The following FBXL13 variants were observed in gnomAD, a reference collection of about 807,000 sequenced individuals.
FBXL13 encodes F-box and leucine-rich repeat protein 13.
A neutral mutation model predicts 83.6 loss-of-function variants in FBXL13; 67 were observed. That is an observed-to-expected ratio of 0.80 (90% CI 0.66 to 0.98). The LOEUF (loss-of-function observed/expected upper bound fraction) is 0.98. Among genes scored for constraint, FBXL13 ranks in the 50% least tolerant of loss-of-function variants. The probability of loss-of-function intolerance (pLI) is 0.00; values close to 1 mark genes in which losing one functional copy is unlikely to be tolerated. For synonymous variants in FBXL13, 272 were observed against 299.5 expected (o/e 0.91, Z 0.95); for missense variants, 822 against 866.5 (o/e 0.95, Z 0.64).
chr7:102,926,149 G>C (rs951710200), intron 10 of FBXL13, 125 bp downstream of exon 11: 1 of 732,146 alleles, frequency 1.4e-6, no homozygotes, highest in Non-Finnish European at 2.2e-6. Flanking sequence ...CCCCTTATCA[G>C]AAAAGCAGTG....
chr7:102,840,827 A>G (rs1392908005), intron 17 of FBXL13, among the ~76,000 whole-genome samples: 1 of 152,196 alleles, frequency 6.6e-6, no homozygotes, highest in Non-Finnish European at 1.5e-5. Flanking sequence ...GAAAGAAAAT[A>G]ACTGTCTACC....
At chr7:103,002,136 T>C (rs1790465648) in intron 6 of FBXL13, among the ~76,000 whole-genome samples, 1 of 152,184 alleles carries the variant, frequency 6.6e-6, no homozygotes, top group Non-Finnish European at 1.5e-5. Flanking sequence ...CTGGTGGTAA[T>C]GTTTGAATTC....
At chr7:103,033,967 C>G (rs539319396) in intron 2 of FBXL13, among the ~76,000 whole-genome samples, 3 of 151,852 alleles carry the variant, frequency 2.0e-5, no homozygotes, top group South Asian at 4.2e-4. Context: ...TACAGAGTGT[C>G]GACACAAAGG....
chr7:102,823,075 ACC>A (rs1182925172), intron 18 of FBXL13, among the ~76,000 whole-genome samples: 3 of 151,578 alleles, frequency 2.0e-5, no homozygotes, highest in Non-Finnish European at 4.4e-5. Flanking sequence ...TGCCCTGCCC[ACC>A]CCCCACACAA....
In FBXL13 at chr7:102,822,159, GT is replaced by G. The variant is rs1454476982; in HGVS notation, c.1898del (p.Tyr633SerfsTer23). 1.1e-5 allele frequency: 17 copies of G among 1,614,022 alleles called. No individual in the cohort carries two copies. The highest frequency in any genetic ancestry group is 1.4e-5 in the Non-Finnish European group (16 of 1,179,978). ...AACCAGAGATATCCAAAATGTGCAG[GT>G]AATGGCATTTTGCCGATAACATCTC... On this transcript the variant is annotated frameshift_variant, in exon 19 of 20. Transcript: ENST00000313221. LOFTEE classifies it high-confidence loss of function.
chr7:102,893,228 A>G (rs1427532511), intron 11 of FBXL13, among the ~76,000 whole-genome samples: 2 of 152,226 alleles, frequency 1.3e-5, no homozygotes, highest in Non-Finnish European at 2.9e-5. Flanking sequence ...CAGCAACCTG[A>G]AATTTGGCCT....
chr7:103,051,629 C>G (rs1432069592), intron 2 of FBXL13, among the ~76,000 whole-genome samples: 1 of 152,120 alleles, frequency 6.6e-6, no homozygotes, highest in Non-Finnish European at 1.5e-5. Flanking sequence ...AAAACTTTAG[C>G]CGAATTAAAT....
intron 1 of FBXL13, among the ~76,000 whole-genome samples, chr7:103,060,674 T>C (rs1273047288): frequency 6.6e-6 from 1 of 152,234 alleles, no homozygotes; most frequent in African/African-American, 2.4e-5. Context: ...AAGTCTTGCT[T>C]AGCTTTTTAG....
intron 16 of FBXL13, among the ~76,000 whole-genome samples, chr7:102,868,334 G>A (rs1293314312): frequency 6.6e-6 from 1 of 152,022 alleles, no homozygotes; most frequent in Non-Finnish European, 1.5e-5. Flanking sequence ...CCCAGCCTCT[G>A]GTAGCCATTA....
At chr7:102,840,642 G>A (rs561339880) in intron 17 of FBXL13, among the ~76,000 whole-genome samples, 9 of 152,164 alleles carry the variant, frequency 5.9e-5, no homozygotes, top group Admixed American at 1.3e-4. Context: ...AAGAGTTCAC[G>A]AACTATTATC....
intron 6 of FBXL13, 106 bp from the exon 8 acceptor site, chr7:102,968,223 A>G (rs1826205620): frequency 1.2e-5 from 8 of 658,092 alleles, no homozygotes; most frequent in Non-Finnish European, 1.6e-5. Context: ...GCACACACAC[A>G]CGCATTAGTA....
chr7:102,858,869 G>A (rs951088371), intron 16 of FBXL13, among the ~76,000 whole-genome samples: 3 of 152,124 alleles, frequency 2.0e-5, no homozygotes, highest in Admixed American at 2.0e-4. Context: ...GACTGCTAAT[G>A]GGAAGGGCTT....
exon 2 of FBXL13, chr7:103,055,735 C>T (rs1208765781): frequency 1.6e-6 from 2 of 1,272,584 alleles, no homozygotes; most frequent in Admixed American, 2.4e-5. Flanking sequence ...ACAAGTATAC[C>T]ACATAACAGT....
In FBXL13 at chr7:102,855,370, A is replaced by G. The variant is rs1204659956; in HGVS notation, c.1636-510T>C. Among the ~76,000 whole-genome samples, 8 of 152,108 alleles carry G rather than the reference A, an allele frequency of 5.3e-5. No homozygotes were observed. In the East Asian group the frequency reaches 1.3e-3, roughly 26 times the overall value. On this transcript the variant is annotated intron_variant, in intron 16 of 19. Transcript: ENST00000313221. ...ACAGATAATCATTCAGTCATAGATC[A>G]TTTCTTTTTCAGGTTAAAGGCCTTG...
At chr7:102,923,373 T>C (rs1167778203) in intron 10 of FBXL13, among the ~76,000 whole-genome samples, 1 of 152,152 alleles carries the variant, frequency 6.6e-6, no homozygotes, top group Non-Finnish European at 1.5e-5. Flanking sequence ...TTCCAAGCTA[T>C]CAATGAGAGG....
rs1242317812 is a variant in FBXL13 at position 102,973,964 on chromosome 7, C to T, written c.496-5847G>A. 2.6e-5 allele frequency among the ~76,000 whole-genome samples: 4 copies of T among 152,184 alleles called. No individual in the cohort carries two copies. The South Asian group carries it at 6.2e-4, about 24-fold the overall frequency. On this transcript the variant is annotated intron_variant, in intron 6 of 19. Coordinates refer to ENST00000313221, the Ensembl canonical transcript of FBXL13. ...GAACGAAAAAGGCAGCGGTGACGAT[C>T]GCTCCTTTCATCGTCTCCCTCCACC... is the stretch of plus-strand genomic sequence containing the variant.
rs759817630 is a variant in FBXL13 at position 102,822,041 on chromosome 7, T to C, written c.2017A>G (p.Lys673Glu). The C allele has an allele frequency of 9.3e-6, 15 of 1,614,044 alleles. No individual in the cohort carries two copies. The South Asian group carries it at 1.6e-4, about 18-fold the overall frequency. Residue 673 changes from lysine to glutamate, a missense_variant and splice_region_variant, in exon 19 of 20, where the codon AAG (lysine) becomes GAG (glutamate). By Grantham distance (56) the Lys-to-Glu change is moderately conservative. Coordinates refer to ENST00000313221, the Ensembl canonical transcript of FBXL13. Reference sequence around the variant, plus strand: ...TGTCATAGTCAGGTACATACTTACTTGGAAATATTTGTGCAGTATTGCATC... The same window carrying C: ...TGTCATAGTCAGGTACATACTTACTCGGAAATATTTGTGCAGTATTGCATC...
intron 18 of FBXL13, among the ~76,000 whole-genome samples, chr7:102,828,787 C>T (rs1172217926): frequency 2.0e-5 from 3 of 152,146 alleles, no homozygotes; most frequent in African/African-American, 7.2e-5. Context: ...CTGGGGATTT[C>T]GCCCAGCTCA....
At chr7:102,972,483 T>C (rs143569205) in intron 6 of FBXL13, among the ~76,000 whole-genome samples, 1 of 151,996 alleles carries the variant, frequency 6.6e-6, no homozygotes, top group Non-Finnish European at 1.5e-5. Flanking sequence ...ATCATAGAAA[T>C]AGAATGTATA....
Sources: allele counts gnomAD v4.1 joint callset (sites outside exome capture counted in the v4.1 genomes callset), GRCh38; gene constraint gnomAD v4.1.1; transcripts MANE v1.5; gene names NCBI Gene and HGNC (gene_info 2026-07-23, HGNC 2026-07-21).